EFHC2: variants seen among roughly 807,000 people sequenced by gnomAD.
EFHC2 encodes EF-hand domain containing 2, also known as EF-hand domain-containing family member C2.
A neutral mutation model predicts 52.7 loss-of-function variants in EFHC2; 18 were observed. That is an observed-to-expected ratio of 0.34 (90% CI 0.24 to 0.51). The LOEUF (loss-of-function observed/expected upper bound fraction) is 0.51. EFHC2 is among the 20% of genes least tolerant of loss of function. EFHC2 has a pLI of 0.97. For missense variants in EFHC2, 513 were observed against 562.5 expected (o/e 0.91, Z 0.89); for synonymous variants, 203 against 204.1 (o/e 0.99, Z 0.04).
At chrX:44,239,992 T>C (rs2037348098) in intron 8 of EFHC2, among the ~76,000 whole-genome samples, 1 of 111,932 alleles carries the variant, frequency 8.9e-6, no homozygotes, top group African/African-American at 3.2e-5. Flanking sequence ...CTCCAATGAC[T>C]CATAGATCAG....
At chrX:44,251,354 C>T (rs1241035802) in intron 4 of EFHC2, among the ~76,000 whole-genome samples, 7 of 104,363 alleles carry the variant, frequency 6.7e-5, no homozygotes, top group African/African-American at 2.1e-4. Context: ...TGGCTCACAC[C>T]TGTAATCTCA....
chrX:44,277,714 A>G lies in EFHC2; in HGVS notation c.232-4878T>C, dbSNP rs188003040. ...ACATATGCTAATTCACAAAAATTTT[A>G]ATAAATTTTAAAAACAGAAAAATTA... On this transcript the variant is annotated intron_variant, in intron 2 of 14. Coordinates refer to ENST00000420999, the MANE Select transcript of EFHC2 (RefSeq NM_025184.4). 1.6e-3 allele frequency among the ~76,000 whole-genome samples: 182 copies of G among 111,469 alleles called. 1 individual carries two copies. The highest frequency in any genetic ancestry group is 4.8e-3 in the Middle Eastern group (1 of 208).
intron 9 of EFHC2, among the ~76,000 whole-genome samples, chrX:44,234,324 T>C (rs1362958883): frequency 8.9e-6 from 1 of 112,279 alleles, no homozygotes; most frequent in Non-Finnish European, 1.9e-5. Context: ...TCTAAGTGTA[T>C]AGAGTTGATT....
chrX:44,313,121 GAAAGA>G (rs2037960330), intron 1 of EFHC2, among the ~76,000 whole-genome samples: 1 of 102,330 alleles, frequency 9.8e-6, no homozygotes, highest in African/African-American at 3.6e-5. Context: ...AAGAAAGAAA[GAAAGA>G]AAAAACTGCT....
intron 11 of EFHC2, among the ~76,000 whole-genome samples, chrX:44,200,076 G>T (rs1357022523): frequency 8.9e-6 from 1 of 111,934 alleles, no homozygotes; most frequent in Non-Finnish European, 1.9e-5. Flanking sequence ...AACTGTCCCA[G>T]TGTTAATTGT....
intron 11 of EFHC2, among the ~76,000 whole-genome samples, chrX:44,226,732 C>T (rs1283894071): frequency 5.5e-5 from 6 of 108,504 alleles, no homozygotes; most frequent in African/African-American, 1.3e-4. Flanking sequence ...CATCATACAC[C>T]GGGGCCTGTC....
chrX:44,262,701 G>T (rs2037551016), intron 3 of EFHC2, among the ~76,000 whole-genome samples: 1 of 111,042 alleles, frequency 9.0e-6, no homozygotes, highest in South Asian at 3.8e-4. Context: ...ATCAACAGCA[G>T]TAAGAATAGC....
rs1312594410 is a variant in EFHC2 at position 44,312,622 on chromosome X, T to C, written c.177A>G (p.Ile59Met). ...LGQKIKPKCS[I>M]YPKGDGSDVP... ...CATCACTTCCATCTCCTTTAGGATA[T>C]ATGCTACATTTAGGCTTTATCTTTT... Residue 59 changes from isoleucine to methionine, a missense_variant, in exon 2 of 15, where the codon ATA becomes ATG. Ile to Met is a conservative substitution (Grantham distance 10). Transcript: ENST00000420999. The C allele has an allele frequency of 8.3e-7, 1 of 1,210,268 alleles. No individual in the cohort carries two copies. Among genetic ancestry groups the C allele is most frequent in the Non-Finnish European group, 1.1e-6 (1 of 894,813 alleles).
chrX:44,149,724 A>T (rs767989138), intron 14 of EFHC2, among the ~76,000 whole-genome samples: 3 of 111,185 alleles, frequency 2.7e-5, no homozygotes, highest in East Asian at 5.7e-4. Flanking sequence ...TATAGGCCGG[A>T]CTGGTCTGGT....
intron 11 of EFHC2, among the ~76,000 whole-genome samples, chrX:44,204,337 G>A (rs1031684321): frequency 9.1e-6 from 1 of 109,931 alleles, no homozygotes; most frequent in Non-Finnish European, 1.9e-5. Context: ...TTTCTCACCT[G>A]CAAAGGATCA....
intron 2 of EFHC2, among the ~76,000 whole-genome samples, chrX:44,274,561 T>C (rs2037640970): frequency 9.0e-6 from 1 of 111,719 alleles, no homozygotes; most frequent in African/African-American, 3.3e-5. Context: ...CTGAGTTGTG[T>C]TGGACACTTT....
At chrX:44,281,807 ATGG>A (rs2037703970) in intron 2 of EFHC2, among the ~76,000 whole-genome samples, 1 of 112,014 alleles carries the variant, frequency 8.9e-6, no homozygotes, top group Admixed American at 9.5e-5. Context: ...TAAAAGAGAA[ATGG>A]GAAAACAGCA....
chrX:44,175,985 ATT>A (rs1425960378), intron 13 of EFHC2, among the ~76,000 whole-genome samples: 1 of 112,154 alleles, frequency 8.9e-6, no homozygotes, highest in Admixed American at 9.5e-5. Flanking sequence ...CCTGCCCTGA[ATT>A]TTACATCTAA....
At chrX:44,205,415 T>TAA (rs201911623) in intron 11 of EFHC2, among the ~76,000 whole-genome samples, 15 of 102,107 alleles carry the variant, frequency 1.5e-4, no homozygotes, top group Admixed American at 3.2e-4. Flanking sequence ...CAAATTAGAT[T>TAA]AAAAAAAAAA....
chrX:44,312,491 C>T, intron 2 of EFHC2, 77 bp downstream of exon 2: 1 of 838,621 alleles, frequency 1.2e-6, no homozygotes, highest in Non-Finnish European at 1.6e-6. Flanking sequence ...ACTGAAGACT[C>T]CTACTTTCTC....
At chrX:44,199,390 C>T (rs748650874) in intron 11 of EFHC2, among the ~76,000 whole-genome samples, 2 of 112,894 alleles carry the variant, frequency 1.8e-5, no homozygotes, top group African/African-American at 6.4e-5. Context: ...CCAAAATTAA[C>T]ATTTTTTCTT....
intron 2 of EFHC2, among the ~76,000 whole-genome samples, chrX:44,277,850 A>C (rs1349903107): frequency 9.0e-6 from 1 of 110,912 alleles, no homozygotes; most frequent in African/African-American, 3.3e-5. Flanking sequence ...CTAAAAATAT[A>C]AAAAATATAC....
At chrX:44,312,369 T>C (rs769698903) in intron 2 of EFHC2, among the ~76,000 whole-genome samples, 199 bp downstream of exon 2, 2 of 112,003 alleles carry the variant, frequency 1.8e-5, no homozygotes, top group South Asian at 7.4e-4. Flanking sequence ...ATTATGTTTG[T>C]CAATTTAAAC....
chrX:44,170,822 T>C lies in EFHC2; in HGVS notation c.2042+5470A>G, dbSNP rs183488499. Among the ~76,000 whole-genome samples, 20 of 112,424 alleles carry C rather than the reference T, an allele frequency of 1.8e-4. 1 individual carries two copies. The highest frequency in any genetic ancestry group is 9.3e-3 in the Middle Eastern group (2 of 216). ...AGATTTGCCACTCTGGAGGAAATTC[T>C]TTTCAAAAGGCTTTGAAAAGCAATT... On this transcript the variant is annotated intron_variant, in intron 13 of 14. Coordinates refer to ENST00000420999, the MANE Select transcript of EFHC2 (RefSeq NM_025184.4).
Sources: allele counts gnomAD v4.1 joint callset (sites outside exome capture counted in the v4.1 genomes callset), GRCh38; gene constraint gnomAD v4.1.1; transcripts MANE v1.5; gene names NCBI Gene and HGNC (gene_info 2026-07-23, HGNC 2026-07-21).